Variants in RELCH observed in about 807,000 individuals in gnomAD.
RELCH encodes the protein RAB11-binding protein RELCH.
A neutral mutation model predicts 150.3 loss-of-function variants in RELCH; 41 were observed. The ratio of observed to expected loss-of-function variants is 0.27; its 90% CI spans 0.21 to 0.35. The LOEUF is 0.35. Ranked by LOEUF, RELCH falls within the 10% of genes least tolerant of loss-of-function variation. RELCH has a pLI of 1.00. For missense variants in RELCH, 1,092 were observed against 1,467.8 expected (o/e 0.74, Z 4.18); for synonymous variants, 478 against 531.8 (o/e 0.90, Z 1.39).
intron 1 of RELCH, among the ~76,000 whole-genome samples, chr18:62,203,296 A>G (rs2148254916): frequency 6.6e-6 from 1 of 152,234 alleles, no homozygotes; most frequent in Non-Finnish European, 1.5e-5. Flanking sequence ...TCTCTACTAA[A>G]AATACAAAAA....
At chr18:62,277,738 A>T (rs1398607760) in intron 22 of RELCH, 1 of 880,322 alleles carries the variant, frequency 1.1e-6, no homozygotes, top group East Asian at 1.2e-4. Flanking sequence ...CAATCATATT[A>T]TTCCCATTGT....
At position 62,189,259 on chromosome 18, in the gene RELCH, GTTTT is replaced by G. The variant is rs748259898; in HGVS notation, c.526+1237_526+1240del. Among the ~76,000 whole-genome samples the G allele has an allele frequency of 2.8e-3, 333 of 118,114 alleles. 5 individuals carry two copies. Among genetic ancestry groups the G allele is most frequent in the African/African-American group, 0.01 (319 of 30,776 alleles). 77.5% of individuals were successfully genotyped at this position (118,114 alleles called of 152,430 possible). A position where few individuals can be genotyped will look rare whatever the true frequency, so the allele number is the denominator to read the frequency against. ...TATGTGTGGTGGTGGGTCTTTTTTT[GTTTT>G]TTTTTTTTGTTGTTTTTTTTTTTTG... On this transcript the variant is annotated intron_variant, in intron 1 of 28. Coordinates refer to ENST00000644646, the MANE Select transcript of RELCH (RefSeq NM_001346231.2).
intron 25 of RELCH, among the ~76,000 whole-genome samples, chr18:62,286,852 G>A (rs1460097832): frequency 6.6e-6 from 1 of 152,194 alleles, no homozygotes; most frequent in East Asian, 1.9e-4. Context: ...CGCCAGTGCT[G>A]TTTGACATTG....
rs995014059 is a variant in RELCH at position 62,228,611 on chromosome 18, C to A, written c.1448+13C>A. ...ATAAACCTAATAGGTTAGTATGCAT[C>A]CTATATTTTGAAATGCATCTTTCAG... is the stretch of plus-strand genomic sequence containing the variant. On this transcript the variant is annotated intron_variant, in intron 8 of 28. Coordinates refer to ENST00000644646, the MANE Select transcript of RELCH (RefSeq NM_001346231.2). 3 of 1,570,866 alleles carry A rather than the reference C, an allele frequency of 1.9e-6. No homozygotes were observed. The highest frequency in any genetic ancestry group is 4.5e-5 in the East Asian group (2 of 44,396).
At chr18:62,222,708 T>TACA (rs930723265) in intron 5 of RELCH, among the ~76,000 whole-genome samples, 4 of 151,966 alleles carry the variant, frequency 2.6e-5, no homozygotes, top group African/African-American at 9.7e-5. Context: ...TGTGCTATGT[T>TACA]ATCAACCAAT....
chr18:62,267,221 A>G (rs1206731391), intron 19 of RELCH, among the ~76,000 whole-genome samples: 1 of 151,842 alleles, frequency 6.6e-6, no homozygotes, highest in Non-Finnish European at 1.5e-5. Flanking sequence ...CTTCATTGAT[A>G]GTTTTCACTC....
At chr18:62,190,706 A>G (rs917619013) in intron 1 of RELCH, among the ~76,000 whole-genome samples, 2 of 152,156 alleles carry the variant, frequency 1.3e-5, no homozygotes, top group Non-Finnish European at 2.9e-5. Flanking sequence ...GAATTTCTCA[A>G]CCTGGGCCTG....
At chr18:62,303,754 A>G (rs1337724769) in intron 28 of RELCH, among the ~76,000 whole-genome samples, 4 of 152,242 alleles carry the variant, frequency 2.6e-5, no homozygotes, top group African/African-American at 4.8e-5. Flanking sequence ...AGTCAGTGAC[A>G]GTGGTATGGA....
intron 1 of RELCH, among the ~76,000 whole-genome samples, chr18:62,195,769 C>T (rs570469676): frequency 9.9e-5 from 15 of 151,662 alleles, no homozygotes; most frequent in African/African-American, 3.1e-4. Flanking sequence ...AGTCTTGGCT[C>T]ACTGCCATCT....
chr18:62,215,737 G>C (rs1166467559), intron 2 of RELCH, among the ~76,000 whole-genome samples: 1 of 152,060 alleles, frequency 6.6e-6, no homozygotes, highest in Non-Finnish European at 1.5e-5. Flanking sequence ...ATATAGTAAG[G>C]GGCATGATCA....
chr18:62,214,710 G>T (rs1172498483), intron 2 of RELCH, among the ~76,000 whole-genome samples: 1 of 152,160 alleles, frequency 6.6e-6, no homozygotes, highest in African/African-American at 2.4e-5. Context: ...CAAGGAAGCT[G>T]CCAAAGCTTA....
At chr18:62,286,947 C>G (rs2044834638) in intron 25 of RELCH, among the ~76,000 whole-genome samples, 1 of 152,118 alleles carries the variant, frequency 6.6e-6, no homozygotes, top group Admixed American at 6.5e-5. Context: ...AGAATATACT[C>G]TTTTGATTTC....
intron 2 of RELCH, among the ~76,000 whole-genome samples, chr18:62,216,805 A>G (rs2040502338): frequency 6.6e-6 from 1 of 151,890 alleles, no homozygotes; most frequent in Non-Finnish European, 1.5e-5. Flanking sequence ...ATGGCCTGGC[A>G]GCATCCATAT....
At chr18:62,292,823 A>G (rs1328323173) in intron 27 of RELCH, among the ~76,000 whole-genome samples, 14 of 152,246 alleles carry the variant, frequency 9.2e-5, no homozygotes, top group Non-Finnish European at 1.9e-4. Context: ...ATCTCATTCA[A>G]TGAGATTATT....
At chr18:62,291,396 T>C in intron 26 of RELCH, 147 bp from the exon 27 acceptor site, 1 of 489,864 alleles carries the variant, frequency 2.0e-6, no homozygotes. Flanking sequence ...TGAGGATTCA[T>C]GCTTGAGGGG....
At chr18:62,272,354 A>C (rs1224331747) in intron 20 of RELCH, among the ~76,000 whole-genome samples, 1 of 152,074 alleles carries the variant, frequency 6.6e-6, no homozygotes, top group African/African-American at 2.4e-5. Context: ...TAATATTTTT[A>C]TTTTGACCAT....
intron 2 of RELCH, among the ~76,000 whole-genome samples, chr18:62,211,693 G>A (rs1247438180): frequency 6.6e-6 from 1 of 152,060 alleles, no homozygotes; most frequent in Non-Finnish European, 1.5e-5. Flanking sequence ...GGAAGCTGAG[G>A]TGGGAGGATT....
intron 1 of RELCH, among the ~76,000 whole-genome samples, chr18:62,199,843 T>G (rs1442667054): frequency 6.6e-6 from 1 of 152,214 alleles, no homozygotes; most frequent in African/African-American, 2.4e-5. Context: ...CTGGATAGTC[T>G]TTGTTTCCTT....
chr18:62,257,833 T>C, intron 13 of RELCH, 115 bp from the exon 14 acceptor site: 1 of 807,210 alleles, frequency 1.2e-6, no homozygotes, highest in Non-Finnish European at 1.9e-6. Context: ...GCATTTTTAA[T>C]AAAAATGTTA....
Sources: allele counts gnomAD v4.1 joint callset (sites outside exome capture counted in the v4.1 genomes callset), GRCh38; gene constraint gnomAD v4.1.1; transcripts MANE v1.5; gene names NCBI Gene and HGNC (gene_info 2026-07-23, HGNC 2026-07-21).